The following ZC3H12B variants were observed in gnomAD, a reference collection of about 807,000 sequenced individuals.
ZC3H12B encodes zinc finger CCCH-type containing 12B, also known as probable ribonuclease ZC3H12B.
ZC3H12B carries 7 observed loss-of-function variants against 43.9 expected under a neutral mutation model. The ratio of observed to expected loss-of-function variants is 0.16; its 90% confidence interval spans 0.09 to 0.30. ZC3H12B has a LOEUF of 0.30. Ranked by LOEUF, ZC3H12B falls within the 10% of genes least tolerant of loss-of-function variation. The probability of loss-of-function intolerance (pLI) is 1.00; values close to 1 mark genes in which losing one functional copy is unlikely to be tolerated. For missense variants in ZC3H12B, 475 were observed against 670.2 expected (o/e 0.71, Z 3.22); for synonymous variants, 222 against 241.7 (o/e 0.92, Z 0.76).
chrX:65,357,296 A>G, the ZC3H12B span: 1 of 286,468 alleles, frequency 3.5e-6, no homozygotes, highest in South Asian at 4.5e-5. Context: ...TAAGAGTGAC[A>G]TTTGCTTCTT....
chrX:65,364,409 CAA>C (rs796078421), upstream of ZC3H12B, among the ~76,000 whole-genome samples: 4 of 55,774 alleles, frequency 7.2e-5, no homozygotes, highest in Admixed American at 2.1e-4. Context: ...GCTTTACTTC[CAA>C]AAAAAAAAAA....
At chrX:65,139,212 T>C in the ZC3H12B span, among the ~76,000 whole-genome samples, 1 of 112,315 alleles carries the variant, frequency 8.9e-6, no homozygotes, top group Non-Finnish European at 1.9e-5. Context: ...CCATTACTTT[T>C]AGAGTCTCCT....
At chrX:65,244,298 G>A in the ZC3H12B span, among the ~76,000 whole-genome samples, 1 of 110,675 alleles carries the variant, frequency 9.0e-6, no homozygotes, top group Admixed American at 9.6e-5. Context: ...ACAAATAATG[G>A]TAATCAAAGA....
At chrX:65,118,597 A>G in the ZC3H12B span, among the ~76,000 whole-genome samples, 143 of 110,960 alleles carry the variant, frequency 1.3e-3, 1 homozygote, top group Non-Finnish European at 1.8e-3. Context: ...TTCCAACACT[A>G]TGTTGAATAA....
At chrX:65,371,864 G>A (rs1213221788) in intron 2 of ZC3H12B, among the ~76,000 whole-genome samples, 8 of 111,571 alleles carry the variant, frequency 7.2e-5, no homozygotes, top group Non-Finnish European at 1.5e-4. Flanking sequence ...GTCTATCACA[G>A]TCCTTGTGTT....
At chrX:65,311,217 G>A in the ZC3H12B span, among the ~76,000 whole-genome samples, 3 of 111,706 alleles carry the variant, frequency 2.7e-5, no homozygotes, top group Admixed American at 9.5e-5. Context: ...GCAACCTACA[G>A]AACTGGAGAA....
At chrX:65,227,412 T>A in the ZC3H12B span, among the ~76,000 whole-genome samples, 1 of 111,527 alleles carries the variant, frequency 9.0e-6, no homozygotes, top group African/African-American at 3.3e-5. Context: ...TAACACTAAA[T>A]GCCCACAAGA....
chrX:65,236,253 G>C, the ZC3H12B span, among the ~76,000 whole-genome samples: 3 of 111,886 alleles, frequency 2.7e-5, no homozygotes, highest in Middle Eastern at 4.6e-3. Flanking sequence ...CGAGGGACCT[G>C]TTCCTGTCTG....
chrX:65,314,755 T>C, the ZC3H12B span, among the ~76,000 whole-genome samples: 6 of 110,983 alleles, frequency 5.4e-5, no homozygotes, highest in Non-Finnish European at 9.5e-5. Flanking sequence ...CCTTGTAGAG[T>C]AATTTCCTTA....
the ZC3H12B span, among the ~76,000 whole-genome samples, chrX:65,318,509 T>C: frequency 9.2e-6 from 1 of 109,113 alleles, no homozygotes; most frequent in African/African-American, 3.3e-5. Flanking sequence ...AACCTCTGTC[T>C]CCTGGGTTCA....
intron 3 of ZC3H12B, among the ~76,000 whole-genome samples, chrX:65,427,674 G>A (rs1270894705): frequency 9.0e-6 from 1 of 111,440 alleles, no homozygotes; most frequent in African/African-American, 3.3e-5. Context: ...ATATGAGATT[G>A]GTCTCTTGAA....
At chrX:65,422,755 A>T (rs921180174) in intron 3 of ZC3H12B, among the ~76,000 whole-genome samples, 1 of 109,255 alleles carries the variant, frequency 9.2e-6, no homozygotes, top group East Asian at 2.8e-4. Context: ...TAATTGATCA[A>T]CTGCCATTTA....
At position 65,378,921 on chromosome X, in the gene ZC3H12B, A is replaced by G. The variant is rs1416618682; in HGVS notation, n.295+9923A>G. Among the ~76,000 whole-genome samples, 3 of 112,672 alleles carry G rather than the reference A, an allele frequency of 2.7e-5. No homozygotes were observed. In the East Asian group the frequency reaches 8.4e-4, roughly 31 times the overall value. On this transcript the variant is annotated intron_variant and non_coding_transcript_variant, in intron 2 of 5. Transcript: ENST00000617377. ...CGATGGGCATAAAAAATGGCGCACC[A>G]GGAGATTATATCCCCCACATGGTTC...
the ZC3H12B span, among the ~76,000 whole-genome samples, chrX:65,301,042 A>C: frequency 0.082 from 9,115 of 111,236 alleles, 1,030 homozygotes; most frequent in African/African-American, 0.29. Context: ...GACAATTCTC[A>C]AAAGAAGATA....
the ZC3H12B span, among the ~76,000 whole-genome samples, chrX:65,100,877 G>A: frequency 1.8e-5 from 2 of 111,346 alleles, no homozygotes. Flanking sequence ...CTTGAACTCA[G>A]CTCTGGACTA....
intron 2 of ZC3H12B, among the ~76,000 whole-genome samples, chrX:65,376,374 CA>C (rs1163589608): frequency 8.9e-6 from 1 of 111,850 alleles, no homozygotes; most frequent in East Asian, 2.8e-4. Flanking sequence ...AGATGCAATG[CA>C]GGCTGGCTTT....
the ZC3H12B span, among the ~76,000 whole-genome samples, chrX:65,238,233 T>G: frequency 1.8e-5 from 2 of 112,112 alleles, no homozygotes; most frequent in Non-Finnish European, 3.8e-5. Flanking sequence ...CTTAGCTTTT[T>G]TGTTGGTTGG....
At chrX:65,381,311 G>T (rs1346240164) in intron 2 of ZC3H12B, among the ~76,000 whole-genome samples, 1 of 111,170 alleles carries the variant, frequency 9.0e-6, no homozygotes, top group Non-Finnish European at 1.9e-5. Flanking sequence ...ACTCAAAACC[G>T]CTCAACTACA....
At chrX:65,470,892 A>T (rs1318949084) in intron 3 of ZC3H12B, among the ~76,000 whole-genome samples, 1 of 112,048 alleles carries the variant, frequency 8.9e-6, no homozygotes, top group African/African-American at 3.2e-5. Context: ...GTCTGAGAAG[A>T]TACTTGATAT....
Sources: allele counts gnomAD v4.1 joint callset (sites outside exome capture counted in the v4.1 genomes callset), GRCh38; gene constraint gnomAD v4.1.1; transcripts MANE v1.5; gene names NCBI Gene and HGNC (gene_info 2026-07-23, HGNC 2026-07-21).